Variants in CTNNA2 observed in about 807,000 individuals in gnomAD.
The protein encoded by CTNNA2 is catenin alpha-2.
CTNNA2 carries 42 observed loss-of-function variants against 101.0 expected under a neutral mutation model. The ratio of observed to expected loss-of-function variants is 0.42; its 90% CI spans 0.32 to 0.54. CTNNA2 has a LOEUF of 0.54. CTNNA2 is among the 20% of genes least tolerant of loss of function. CTNNA2 has a pLI of 0.14. For synonymous variants in CTNNA2, 450 were observed against 456.4 expected (o/e 0.99, Z 0.18); for missense variants, 871 against 1,223.1 (o/e 0.71, Z 4.29).
At chr2:79,761,841 G>A (rs950129806) in intron 3 of CTNNA2, among the ~76,000 whole-genome samples, 4 of 151,974 alleles carry the variant, frequency 2.6e-5, no homozygotes, top group African/African-American at 9.7e-5. Flanking sequence ...TTTCTCTATG[G>A]GCTTCCACTG....
At chr2:80,204,461 C>A (rs975921700) in intron 7 of CTNNA2, among the ~76,000 whole-genome samples, 7 of 152,176 alleles carry the variant, frequency 4.6e-5, no homozygotes, top group Non-Finnish European at 8.8e-5. Context: ...ATCTCTAGAG[C>A]AGAGGCAAAA....
intron 4 of CTNNA2, among the ~76,000 whole-genome samples, chr2:79,430,082 G>A (rs868597763): frequency 3.3e-5 from 5 of 152,000 alleles, no homozygotes; most frequent in African/African-American, 1.2e-4. Context: ...AGTGGCATAG[G>A]CTGCTTCATG....
At chr2:80,480,129 A>G (rs1686037636) in intron 9 of CTNNA2, among the ~76,000 whole-genome samples, 2 of 152,078 alleles carry the variant, frequency 1.3e-5, no homozygotes, top group African/African-American at 4.8e-5. Context: ...AACCTTACCC[A>G]TTATTTGCAT....
Position 80,448,610 on chromosome 2 carries a change from C to T in CTNNA2, c.1290+29009C>T, listed in dbSNP as rs375340620. Among the ~76,000 whole-genome samples the T allele has an allele frequency of 1.7e-4, 26 of 152,282 alleles. No individual in the cohort carries two copies. The East Asian group carries it at 2.7e-3, about 16-fold the overall frequency. On this transcript the variant is annotated intron_variant, in intron 9 of 18. Coordinates refer to ENST00000402739, the MANE Select transcript of CTNNA2 (RefSeq NM_001282597.3). Reference sequence around the variant, plus strand: ...AAGTCCTCCAGGTGATACTAATGTACAGCCAGGGCTCAGAACACCAGCTGC... The same window carrying T: ...AAGTCCTCCAGGTGATACTAATGTATAGCCAGGGCTCAGAACACCAGCTGC...
chr2:79,908,788 C>T (rs1685593236), intron 6 of CTNNA2, among the ~76,000 whole-genome samples: 1 of 152,288 alleles, frequency 6.6e-6, no homozygotes, highest in African/African-American at 2.4e-5. Context: ...ATACCCCTGA[C>T]ATTTACCAGA....
intron 2 of CTNNA2, among the ~76,000 whole-genome samples, chr2:79,213,178 T>A (rs985937601): frequency 2.0e-5 from 3 of 152,038 alleles, no homozygotes; most frequent in Non-Finnish European, 2.9e-5. Flanking sequence ...GGGATATAAG[T>A]TGGAATGCTA....
intron 7 of CTNNA2, among the ~76,000 whole-genome samples, chr2:79,957,201 T>C (rs1689298673): frequency 6.6e-6 from 1 of 152,172 alleles, no homozygotes; most frequent in Admixed American, 6.5e-5. Flanking sequence ...TTTCAGCTTC[T>C]CCAAATCCCG....
chr2:80,524,263 G>A (rs1287465384), intron 9 of CTNNA2, among the ~76,000 whole-genome samples: 1 of 152,098 alleles, frequency 6.6e-6, no homozygotes, highest in Non-Finnish European at 1.5e-5. Context: ...GGTTAGAAGA[G>A]GTACCTCATA....
chr2:80,244,531 T>A (rs1055338913), intron 7 of CTNNA2, among the ~76,000 whole-genome samples: 7 of 152,158 alleles, frequency 4.6e-5, no homozygotes, highest in African/African-American at 1.7e-4. Context: ...GTGAAGTAAC[T>A]TAGACTCAGA....
At chr2:79,836,802 CT>C (rs1175133650) in intron 3 of CTNNA2, among the ~76,000 whole-genome samples, 1 of 152,102 alleles carries the variant, frequency 6.6e-6, no homozygotes, top group Non-Finnish European at 1.5e-5. Context: ...TAGAATCTCA[CT>C]CTGTCACTCA....
chr2:79,356,434 A>C (rs538930214), intron 3 of CTNNA2, among the ~76,000 whole-genome samples: 1 of 152,276 alleles, frequency 6.6e-6, no homozygotes, highest in Admixed American at 6.5e-5. Flanking sequence ...CCCTTTAATA[A>C]ACAAAAGTTT....
chr2:79,408,472 A>G lies in CTNNA2; in HGVS notation c.-135+34459A>G, dbSNP rs61172118. Among the ~76,000 whole-genome samples, 29 of 126,912 alleles carry G rather than the reference A, an allele frequency of 2.3e-4. No homozygotes were observed. The East Asian group carries it at 7.7e-3, about 34-fold the overall frequency. The allele number at this position is 126,912 out of a possible 152,430, so 83.3% of individuals were successfully genotyped here. Reference sequence around the variant, plus strand: ...CTCCCCCCTCCCCTCACCCCACAAGAGTCCCCAGAGTGTGATGTTCCCCTT... The same window carrying G: ...CTCCCCCCTCCCCTCACCCCACAAGGGTCCCCAGAGTGTGATGTTCCCCTT... On this transcript the variant is annotated intron_variant, in intron 4 of 21. Coordinates refer to the CTNNA2 transcript ENST00000466387.
intron 9 of CTNNA2, among the ~76,000 whole-genome samples, chr2:80,532,242 C>T (rs1408559211): frequency 1.3e-5 from 2 of 152,120 alleles, no homozygotes; most frequent in Non-Finnish European, 2.9e-5. Context: ...GTTTCAGTTA[C>T]CAGTGGTCTG....
chr2:80,087,461 G>T (rs547852300), intron 7 of CTNNA2, among the ~76,000 whole-genome samples: 13 of 152,166 alleles, frequency 8.5e-5, no homozygotes, highest in Non-Finnish European at 1.8e-4. Context: ...TCCATAAGCA[G>T]GTATGCAGGT....
intron 4 of CTNNA2, among the ~76,000 whole-genome samples, chr2:79,452,439 T>C (rs1318702761): frequency 6.6e-6 from 1 of 151,988 alleles, no homozygotes; most frequent in Non-Finnish European, 1.5e-5. Context: ...CTGCAAAGCA[T>C]CTACACATTG....
chr2:79,266,134 G>C (rs990423726), intron 2 of CTNNA2, among the ~76,000 whole-genome samples: 1 of 152,150 alleles, frequency 6.6e-6, no homozygotes, highest in Non-Finnish European at 1.5e-5. Context: ...CCTTTTCACT[G>C]TTACTGCTTT....
chr2:79,888,195 G>C (rs1013895618), intron 6 of CTNNA2, among the ~76,000 whole-genome samples: 9 of 152,212 alleles, frequency 5.9e-5, no homozygotes, highest in African/African-American at 2.2e-4. Context: ...ATACATGTGA[G>C]CTTATAGGAA....
chr2:80,195,247 A>C (rs1706757513), intron 7 of CTNNA2, among the ~76,000 whole-genome samples: 1 of 152,160 alleles, frequency 6.6e-6, no homozygotes, highest in Admixed American at 6.5e-5. Context: ...GACTATAAGC[A>C]TGTTTACAGA....
intron 3 of CTNNA2, among the ~76,000 whole-genome samples, chr2:79,811,783 T>C (rs1179649034): frequency 2.0e-5 from 3 of 152,208 alleles, no homozygotes; most frequent in African/African-American, 7.2e-5. Flanking sequence ...TGATTCATCC[T>C]GGGATTATAG....
Sources: allele counts gnomAD v4.1 joint callset (sites outside exome capture counted in the v4.1 genomes callset), GRCh38; gene constraint gnomAD v4.1.1; transcripts MANE v1.5; gene names NCBI Gene and HGNC (gene_info 2026-07-23, HGNC 2026-07-21).